Variants in SAPCD2 observed in about 807,000 individuals in gnomAD.
SAPCD2 encodes suppressor APC domain containing 2, also known as suppressor APC domain-containing protein 2.
SAPCD2 carries 34 observed loss-of-function variants against 37.8 expected under a neutral mutation model. That is an observed-to-expected ratio of 0.90 (90% CI 0.68 to 1.20). SAPCD2 has a LOEUF of 1.20. SAPCD2 is among the 50% of genes most tolerant of loss of function. The pLI is 0.00. For missense variants in SAPCD2, 572 were observed against 584.7 expected (o/e 0.98, Z 0.22); for synonymous variants, 275 against 270.3 (o/e 1.02, Z -0.17).
Position 137,064,499 on chromosome 9 carries a change from G to A in SAPCD2, c.*160C>T. 1 of 797,744 alleles carries A rather than the reference G, an allele frequency of 1.3e-6. No individual in the cohort carries two copies. The highest frequency in any genetic ancestry group is 2.0e-6 in the Non-Finnish European group (1 of 510,728). 49.4% of individuals were successfully genotyped at this position (797,744 alleles called of 1,614,324 possible). A position where few individuals can be genotyped will look rare whatever the true frequency, so the allele number is the denominator to read the frequency against. Reference sequence around the variant, plus strand: ...GCGGGGACCAGCCGGGGGCAGGCCTGGGGAGCCCATCTGGCAAGGGCGGCA... The same window carrying A: ...GCGGGGACCAGCCGGGGGCAGGCCTAGGGAGCCCATCTGGCAAGGGCGGCA... On this transcript the variant is annotated 3_prime_UTR_variant, in exon 6 of 6. Transcript: ENST00000409687.
At chr9:137,065,017 C>T in intron 4 of SAPCD2, 38 bp from the exon 5 acceptor site, 3 of 1,488,282 alleles carry the variant, frequency 2.0e-6, no homozygotes, top group East Asian at 2.5e-5. Context: ...TGGACGAGGG[C>T]GGGGAAGCAC....
intron 1 of SAPCD2, among the ~76,000 whole-genome samples, chr9:137,068,715 G>A (rs991641761): frequency 2.0e-5 from 3 of 152,246 alleles, no homozygotes; most frequent in Non-Finnish European, 4.4e-5. Flanking sequence ...AGCCAGTGCC[G>A]CATGGGGCAT....
At chr9:137,066,448 C>T in intron 1 of SAPCD2, 74 bp from the exon 2 acceptor site, 1 of 1,149,658 alleles carries the variant, frequency 8.7e-7, no homozygotes. Flanking sequence ...GCAGCGGCCT[C>T]CACATCTCAG....
At chr9:137,068,651 G>C (rs1437726680) in intron 1 of SAPCD2, among the ~76,000 whole-genome samples, 2 of 152,250 alleles carry the variant, frequency 1.3e-5, no homozygotes, top group Admixed American at 1.3e-4. Context: ...TTGCCTGTGA[G>C]AGGGTGACAG....
chr9:137,065,931 G>A (rs1832539284), intron 2 of SAPCD2, among the ~76,000 whole-genome samples: 1 of 152,204 alleles, frequency 6.6e-6, no homozygotes, highest in Non-Finnish European at 1.5e-5. Context: ...GCTTCCCTGG[G>A]GGAGGGGTGA....
chr9:137,063,121 T>TGGGGCTGTGGGGCACAGGCCCTCA lies in SAPCD2; in HGVS notation c.*1514_*1537dup, dbSNP rs1417880244. 2.0e-5 allele frequency: 3 copies of TGGGGCTGTGGGGCACAGGCCCTCA among 152,256 alleles called. No individual in the cohort carries two copies. The highest frequency in any genetic ancestry group is 7.2e-5 in the African/African-American group (3 of 41,456). The allele number at this position is 152,256 out of a possible 1,614,324, so 9.4% of individuals were successfully genotyped here. A position where few individuals can be genotyped will look rare whatever the true frequency, so the allele number is the denominator to read the frequency against. ...CACTGCGCTGCAGTCCACCTGGTGC[T>TGGGGCTGTGGGGCACAGGCCCTCA]GGGGCTGTGGGGCACAGGCCCTCAG... On this transcript the variant is annotated 3_prime_UTR_variant, in exon 6 of 6. Transcript: ENST00000409687.
At chr9:137,069,812 G>C in intron 1 of SAPCD2, 78 bp downstream of exon 1, 1 of 990,504 alleles carries the variant, frequency 1.0e-6, no homozygotes, top group Non-Finnish European at 1.3e-6. Context: ...AAATGCACGG[G>C]CAGCAGCTGT....
At position 137,062,718 on chromosome 9, in the gene SAPCD2, G is replaced by A. The variant is rs1832478427; in HGVS notation, c.*1941C>T. On this transcript the variant is annotated 3_prime_UTR_variant, in exon 6 of 6. Transcript: ENST00000409687. ...TGCATGTGCCTCTGCCAGCCACCTA[G>A]ACCCTGCCAGCCGGGGCCTTTAAAT... 6.6e-6 allele frequency: 1 copy of A among 152,270 alleles called. No homozygotes were observed. The highest frequency in any genetic ancestry group is 1.5e-5 in the Non-Finnish European group (1 of 68,084). The allele number at this position is 152,270 out of a possible 1,614,324, so 9.4% of individuals were successfully genotyped here. A position where few individuals can be genotyped will look rare whatever the true frequency, so the allele number is the denominator to read the frequency against.
In SAPCD2 at chr9:137,065,792, C is replaced by T. The variant is rs550478401; in HGVS notation, c.685-124G>A. On this transcript the variant is annotated intron_variant, in intron 2 of 5. Transcript: ENST00000409687. Reference sequence around the variant, plus strand: ...ACACAAATGCAGCAGCACGTGTACACGTTTGCAAACACCCACGGACGCACG... The same window carrying T: ...ACACAAATGCAGCAGCACGTGTACATGTTTGCAAACACCCACGGACGCACG... 2.1e-4 allele frequency: 251 copies of T among 1,218,046 alleles called. No individual in the cohort carries two copies. In the African/African-American group the frequency reaches 3.0e-3, roughly 15 times the overall value. The allele number at this position is 1,218,046 out of a possible 1,614,324, so 75.5% of individuals were successfully genotyped here. A position where few individuals can be genotyped will look rare whatever the true frequency, so the allele number is the denominator to read the frequency against.
In SAPCD2 at chr9:137,063,888, C is replaced by G. The variant is rs1210976778; in HGVS notation, c.*771G>C. ...GGAACAGGCTTTGCCTATGACGTGC[C>G]TGGGAGCTGTCTGGGGGCCCTCCTG... On this transcript the variant is annotated 3_prime_UTR_variant, in exon 6 of 6. Transcript: ENST00000409687. The G allele has an allele frequency of 6.6e-6, 1 of 152,590 alleles. No homozygotes were observed. The highest frequency in any genetic ancestry group is 1.9e-4 in the East Asian group (1 of 5,186). 9.5% of individuals were successfully genotyped at this position (152,590 alleles called of 1,614,324 possible).
Position 137,064,252 on chromosome 9 carries a change from C to T in SAPCD2, c.*407G>A, listed in dbSNP as rs1473825242. 1.7e-5 allele frequency: 4 copies of T among 241,090 alleles called. No homozygotes were observed. Among genetic ancestry groups the T allele is most frequent in the East Asian group, 1.4e-4 (1 of 7,352 alleles). The allele number at this position is 241,090 out of a possible 1,614,324, so 14.9% of individuals were successfully genotyped here. ...TTGGACCCGCGTCGGAGCCGCCCCG[C>T]GCCCTCTGCTGCCCGTTGTTGGAAG... is the stretch of plus-strand genomic sequence containing the variant. On this transcript the variant is annotated 3_prime_UTR_variant, in exon 6 of 6. Transcript: ENST00000409687.
chr9:137,067,868 C>G (rs1321187484), intron 1 of SAPCD2, among the ~76,000 whole-genome samples: 4 of 150,122 alleles, frequency 2.7e-5, no homozygotes, highest in African/African-American at 9.8e-5. Context: ...CTGGTGCTCA[C>G]AGACCCCTGC....
intron 2 of SAPCD2, 122 bp downstream of exon 2, chr9:137,066,140 T>G: frequency 1.3e-6 from 1 of 773,292 alleles, no homozygotes; most frequent in East Asian, 2.7e-5. Context: ...GGGAGAGAGA[T>G]GTCCAGAGCT....
intron 1 of SAPCD2, among the ~76,000 whole-genome samples, chr9:137,069,255 C>A (rs779487639): frequency 3.9e-5 from 6 of 152,236 alleles, no homozygotes; most frequent in Admixed American, 1.3e-4. Context: ...GAGGAGTGTG[C>A]CAGCCATCCC....
In SAPCD2 at chr9:137,064,742, T is replaced by C; in HGVS notation, c.1102A>G (p.Lys368Glu). The change falls in exon 6 of 6, where the codon AAG becomes GAG. Residue 368 changes from lysine (K) to glutamate (E), a missense_variant. Physicochemically the swap from Lys to Glu is moderately conservative, Grantham distance 56 (BLOSUM62 1). Transcript: ENST00000409687. ...SERITQLEQE[K>E]SALIKQLFEA... Reference sequence around the variant, plus strand: ...AACAGCTGCTTAATGAGCGCCGACTTCTCCTGCTCCAGCTGCGTGATGCGC... The same window carrying C: ...AACAGCTGCTTAATGAGCGCCGACTCCTCCTGCTCCAGCTGCGTGATGCGC... 1 of 1,592,862 alleles carries C rather than the reference T, an allele frequency of 6.3e-7. No individual in the cohort carries two copies. The highest frequency in any genetic ancestry group is 8.5e-7 in the Non-Finnish European group (1 of 1,170,532).
At chr9:137,068,505 C>G (rs1832580837) in intron 1 of SAPCD2, among the ~76,000 whole-genome samples, 1 of 152,240 alleles carries the variant, frequency 6.6e-6, no homozygotes, top group Non-Finnish European at 1.5e-5. Flanking sequence ...CCCTGAACAT[C>G]TGGGCTGGGG....
At chr9:137,068,309 T>C (rs1832577613) in intron 1 of SAPCD2, among the ~76,000 whole-genome samples, 1 of 152,160 alleles carries the variant, frequency 6.6e-6, no homozygotes, top group Non-Finnish European at 1.5e-5. Context: ...GCCCGGTCTG[T>C]ACAGTTGAGT....
intron 1 of SAPCD2, 57 bp from the exon 2 acceptor site, chr9:137,066,431 C>CT (rs1588564489): frequency 2.7e-5 from 37 of 1,383,260 alleles, no homozygotes; most frequent in Non-Finnish European, 3.5e-5. Flanking sequence ...CCAGGCTCTG[C>CT]TGAGGTGCAG....
At chr9:137,068,340 C>G (rs1420018595) in intron 1 of SAPCD2, among the ~76,000 whole-genome samples, 34 of 152,190 alleles carry the variant, frequency 2.2e-4, no homozygotes, top group Admixed American at 2.2e-3. Context: ...GCTCCTGGGT[C>G]CCCAGATAGC....
Sources: gnomAD v4.1 joint callset for allele counts (sites outside exome capture counted in the v4.1 genomes callset) on GRCh38, gnomAD v4.1.1 for gene constraint, MANE v1.5 for transcripts, NCBI Gene and HGNC (gene_info 2026-07-23, HGNC 2026-07-21) for gene names.